CBLB: variants seen among roughly 807,000 people sequenced by gnomAD.
The protein encoded by CBLB is E3 ubiquitin-protein ligase CBL-B.
Under a neutral mutation model 104.9 loss-of-function variants are expected in CBLB, and 31 were observed. The observed-to-expected ratio is 0.30, with a 90% confidence interval of 0.22 to 0.40. The LOEUF (loss-of-function observed/expected upper bound fraction) is 0.40. CBLB is among the 10% of genes least tolerant of loss of function. CBLB has a pLI of 1.00. For missense variants in CBLB, 1,062 were observed against 1,214.6 expected, an observed-to-expected ratio of 0.87 and a Z score of 1.87; for synonymous variants, 440 against 422.6, an observed-to-expected ratio of 1.04 and a Z score of -0.51.
intron 6 of CBLB, among the ~76,000 whole-genome samples, 180 bp from the exon 7 acceptor site, chr3:105,740,811 A>G (rs2075447237): frequency 6.6e-6 from 1 of 152,204 alleles, no homozygotes; most frequent in Non-Finnish European, 1.5e-5. Context: ...ATCAATTTAC[A>G]AGAGAAACAC....
At chr3:105,813,730 C>T (rs1293236030) in intron 3 of CBLB, among the ~76,000 whole-genome samples, 1 of 152,060 alleles carries the variant, frequency 6.6e-6, no homozygotes, top group Non-Finnish European at 1.5e-5. Context: ...AAGTAAGCAG[C>T]TATACATATG....
chr3:105,711,046 T>C (rs1413298397), intron 10 of CBLB, among the ~76,000 whole-genome samples: 1 of 151,960 alleles, frequency 6.6e-6, no homozygotes, highest in Non-Finnish European at 1.5e-5. Context: ...ATAAAAACGT[T>C]AATAAGATCC....
At chr3:105,723,963 T>C (rs922626900) in intron 9 of CBLB, 14 of 157,044 alleles carry the variant, frequency 8.9e-5, no homozygotes, top group Non-Finnish European at 1.7e-4. Flanking sequence ...TTTATATTTT[T>C]ACTGTATGTG....
At chr3:105,840,678 G>C (rs1048372781) in intron 3 of CBLB, among the ~76,000 whole-genome samples, 4 of 152,056 alleles carry the variant, frequency 2.6e-5, no homozygotes, top group Non-Finnish European at 4.4e-5. Context: ...AATCTATTTA[G>C]CTTCTCCACA....
At chr3:105,666,773 A>G (rs969512323) in intron 18 of CBLB, among the ~76,000 whole-genome samples, 6 of 152,250 alleles carry the variant, frequency 3.9e-5, no homozygotes, top group Non-Finnish European at 8.8e-5. Flanking sequence ...TGTTTTAAAT[A>G]TATCCAGAAA....
chr3:105,659,002 G>T lies in CBLB; in HGVS notation c.2917C>A (p.Pro973Thr). Residue 973 changes from proline (P) to threonine (T), a missense_variant, in exon 19 of 19, where the codon CCT (proline) becomes ACT (threonine). Transcript: ENST00000394030. ...ARSILREFAFPPPVSPRLNL is the reference protein window; with the variant it reads ...ARSILREFAFTPPVSPRLNL ...TTTAGACGTGGGGATACTGGAGGAG[G>T]GAAGGCAAATTCTCGGAGGATGCTC... is the stretch of plus-strand genomic sequence containing the variant. 1 of 1,613,950 alleles carries T rather than the reference G, an allele frequency of 6.2e-7. No homozygotes were observed. The highest frequency in any genetic ancestry group is 1.7e-4 in the Middle Eastern group (1 of 6,056).
chr3:105,806,788 T>C (rs1271871227), intron 3 of CBLB, among the ~76,000 whole-genome samples: 1 of 152,182 alleles, frequency 6.6e-6, no homozygotes, highest in African/African-American at 2.4e-5. Flanking sequence ...ACTGTTAAAA[T>C]ACTGGTCAAT....
At chr3:105,698,972 A>G (rs1361021459) in intron 12 of CBLB, among the ~76,000 whole-genome samples, 1 of 152,110 alleles carries the variant, frequency 6.6e-6, no homozygotes, top group Non-Finnish European at 1.5e-5. Flanking sequence ...CTCCTTGCAT[A>G]TCACAGCCAT....
At chr3:105,773,905 C>T (rs2079156913) in intron 4 of CBLB, among the ~76,000 whole-genome samples, 1 of 152,224 alleles carries the variant, frequency 6.6e-6, no homozygotes, top group Non-Finnish European at 1.5e-5. Context: ...CCCCTTGGGC[C>T]ACAAGGCAGG....
chr3:105,827,424 A>G (rs1252935887), intron 3 of CBLB, among the ~76,000 whole-genome samples: 1 of 152,072 alleles, frequency 6.6e-6, no homozygotes. Context: ...AGCACAGGGC[A>G]TTTTTCCATC....
chr3:105,780,567 C>T (rs2080069697), intron 3 of CBLB, among the ~76,000 whole-genome samples: 1 of 151,794 alleles, frequency 6.6e-6, no homozygotes, highest in African/African-American at 2.4e-5. Flanking sequence ...TACTTATTTC[C>T]ACATATATTC....
At chr3:105,781,919 A>G (rs1278897076) in intron 3 of CBLB, among the ~76,000 whole-genome samples, 2 of 152,210 alleles carry the variant, frequency 1.3e-5, no homozygotes. Context: ...AAAGAAAGGC[A>G]AGACATAAAG....
intron 3 of CBLB, among the ~76,000 whole-genome samples, chr3:105,808,387 T>C (rs1048007269): frequency 2.6e-5 from 4 of 152,200 alleles, no homozygotes; most frequent in Admixed American, 1.3e-4. Context: ...ATTTGTTTTG[T>C]AGTCTTTATT....
chr3:105,816,954 G>A (rs1380304751), intron 3 of CBLB, among the ~76,000 whole-genome samples: 1 of 152,104 alleles, frequency 6.6e-6, no homozygotes, highest in Non-Finnish European at 1.5e-5. Flanking sequence ...GTGAAGACAG[G>A]TTCAGCAAAA....
intron 3 of CBLB, among the ~76,000 whole-genome samples, chr3:105,795,664 G>A (rs1165132373): frequency 1.3e-5 from 2 of 152,150 alleles, no homozygotes; most frequent in East Asian, 1.9e-4. Flanking sequence ...CATGAACTGA[G>A]GCTAATATCA....
chr3:105,733,621 G>A (rs939612700), intron 9 of CBLB, among the ~76,000 whole-genome samples: 1 of 152,228 alleles, frequency 6.6e-6, no homozygotes, highest in Non-Finnish European at 1.5e-5. Context: ...CAGGAGTAAA[G>A]AAGTTTGCTT....
At chr3:105,752,319 C>G (rs1304091570) in intron 4 of CBLB, among the ~76,000 whole-genome samples, 1 of 152,116 alleles carries the variant, frequency 6.6e-6, no homozygotes, top group Non-Finnish European at 1.5e-5. Context: ...TAGAAGAGCA[C>G]AGAATGGTAA....
At chr3:105,675,987 C>CTT (rs34061447) in intron 17 of CBLB, among the ~76,000 whole-genome samples, 93 of 140,880 alleles carry the variant, frequency 6.6e-4, no homozygotes, top group Admixed American at 2.6e-3. Context: ...AAAAAGTTGC[C>CTT]TTTTTTTTTT....
rs116649627 is a variant in CBLB, at chr3:105,807,508, C to T, written c.420-30966G>A. 5.3e-3 allele frequency among the ~76,000 whole-genome samples: 804 copies of T among 152,114 alleles called. 8 individuals are homozygous for T. Among genetic ancestry groups the T allele is most frequent in the African/African-American group, 0.018 (758 of 41,468 alleles). ...CCCTTTTAACAGTTCAATACATAGT[C>T]TTATTTGTGAAGTAAAATCCTATGT... On this transcript the variant is annotated intron_variant, in intron 3 of 18. Transcript: ENST00000394030.
Sources: allele counts gnomAD v4.1 joint callset (sites outside exome capture counted in the v4.1 genomes callset), GRCh38; gene constraint gnomAD v4.1.1; transcripts MANE v1.5; gene names NCBI Gene and HGNC (gene_info 2026-07-23, HGNC 2026-07-21).